CNTNAP5: variants seen among roughly 807,000 people sequenced by gnomAD.
The protein encoded by CNTNAP5 is contactin associated protein family member 5.
Under a neutral mutation model 150.2 loss-of-function variants are expected in CNTNAP5, and 72 were observed. That is an observed-to-expected ratio of 0.48 (90% CI 0.40 to 0.58). The LOEUF is 0.58. Among genes scored for constraint, CNTNAP5 ranks in the 20% least tolerant of loss-of-function variants. The probability of loss-of-function intolerance (pLI) is 0.00; values close to 1 mark genes in which losing one functional copy is unlikely to be tolerated. For missense variants in CNTNAP5, 1,636 were observed against 1,626.2 expected, an observed-to-expected ratio of 1.01 and a Z score of -0.10; for synonymous variants, 672 against 619.8, an observed-to-expected ratio of 1.08 and a Z score of -1.25.
chr2:124,790,088 G>A lies in CNTNAP5; in HGVS notation c.2939G>A (p.Gly980Asp), dbSNP rs778555661. The A allele has an allele frequency of 6.2e-7, 1 of 1,613,878 alleles. No homozygotes were observed. Among genetic ancestry groups the A allele is most frequent in the South Asian group, 1.1e-5 (1 of 91,078 alleles). ...GGCAAGTGTGTGGAGAAGCACAATG[G>A]CTACCTGTGTGATTGCACCAATTCA... ...NGGKCVEKHN[G>D]YLCDCTNSPY... The change falls in exon 18 of 24, where the codon GGC becomes GAC. Residue 980 changes from glycine (G) to aspartate (D), a missense_variant. Coordinates refer to ENST00000682447, the MANE Select transcript of CNTNAP5 (RefSeq NM_001367498.1).
intron 1 of CNTNAP5, among the ~76,000 whole-genome samples, chr2:124,102,148 G>A (rs1442118684): frequency 6.6e-6 from 1 of 152,108 alleles, no homozygotes; most frequent in African/African-American, 2.4e-5. Flanking sequence ...AAATATTAAA[G>A]AAGTAAAATA....
chr2:124,654,030 G>A (rs1474808620), intron 13 of CNTNAP5, among the ~76,000 whole-genome samples: 3 of 151,962 alleles, frequency 2.0e-5, no homozygotes, highest in Non-Finnish European at 4.4e-5. Context: ...ACATGAGGTG[G>A]TGGGAAAGTC....
chr2:124,392,687 C>CAAAA (rs35107442), intron 3 of CNTNAP5, among the ~76,000 whole-genome samples: 107 of 68,780 alleles, frequency 1.6e-3, no homozygotes, highest in African/African-American at 5.6e-3. Context: ...TTTTCTTTGC[C>CAAAA]AAAAAAAAAA....
chr2:124,350,346 T>G (rs1478022459), intron 3 of CNTNAP5, among the ~76,000 whole-genome samples: 1 of 152,266 alleles, frequency 6.6e-6, no homozygotes, highest in East Asian at 1.9e-4. Flanking sequence ...TCCTTCCAGC[T>G]ATGACTGCTT....
chr2:124,909,502 T>C (rs1193017178), intron 22 of CNTNAP5, among the ~76,000 whole-genome samples: 1 of 152,112 alleles, frequency 6.6e-6, no homozygotes, highest in East Asian at 1.9e-4. Context: ...CATGACTGTA[T>C]TTATAAAGAA....
chr2:124,704,047 G>A (rs2105093155), intron 13 of CNTNAP5, among the ~76,000 whole-genome samples: 1 of 152,310 alleles, frequency 6.6e-6, no homozygotes, highest in Non-Finnish European at 1.5e-5. Flanking sequence ...TGCCTATTAG[G>A]CTTTTTATTT....
At chr2:124,174,005 T>C (rs1685001923) in intron 1 of CNTNAP5, among the ~76,000 whole-genome samples, 1 of 151,934 alleles carries the variant, frequency 6.6e-6, no homozygotes, top group Non-Finnish European at 1.5e-5. Context: ...TGATATAATC[T>C]ACTTGTGCCT....
At chr2:124,231,849 T>A (rs1440551671) in intron 2 of CNTNAP5, among the ~76,000 whole-genome samples, 1 of 152,156 alleles carries the variant, frequency 6.6e-6, no homozygotes, top group Non-Finnish European at 1.5e-5. Flanking sequence ...CTATTCAGGC[T>A]GGCTAATTGC....
intron 19 of CNTNAP5, among the ~76,000 whole-genome samples, chr2:124,810,893 A>G (rs974655433): frequency 2.0e-5 from 3 of 152,084 alleles, no homozygotes; most frequent in African/African-American, 7.2e-5. Flanking sequence ...ATGCGGCAAA[A>G]CATCTGTAAA....
chr2:124,625,221 C>G (rs1167412298), intron 12 of CNTNAP5, among the ~76,000 whole-genome samples: 1 of 152,170 alleles, frequency 6.6e-6, no homozygotes, highest in East Asian at 1.9e-4. Flanking sequence ...CTCCATTATA[C>G]CCACTTTACC....
intron 21 of CNTNAP5, among the ~76,000 whole-genome samples, chr2:124,878,858 T>C (rs1558811014): frequency 1.3e-5 from 2 of 151,892 alleles, no homozygotes; most frequent in African/African-American, 2.4e-5. Flanking sequence ...AATTTTTGTA[T>C]TTTTAGTAGA....
intron 17 of CNTNAP5, among the ~76,000 whole-genome samples, chr2:124,786,431 G>GAAAGA (rs1558775184): frequency 7.9e-5 from 9 of 113,472 alleles, no homozygotes; most frequent in African/African-American, 3.2e-4. Flanking sequence ...AGGAAGGAAG[G>GAAAGA]AAGGAAGGAA....
At chr2:124,824,926 A>G (rs912332456) in intron 19 of CNTNAP5, among the ~76,000 whole-genome samples, 3 of 152,200 alleles carry the variant, frequency 2.0e-5, no homozygotes, top group African/African-American at 7.2e-5. Context: ...TTCAGAAATG[A>G]AACAAAGATT....
intron 13 of CNTNAP5, among the ~76,000 whole-genome samples, chr2:124,737,424 G>A (rs544193986): frequency 2.6e-5 from 4 of 152,106 alleles, no homozygotes; most frequent in Admixed American, 6.6e-5. Context: ...ATGGGAGGAC[G>A]GGTTCAGGCA....
At chr2:124,102,062 C>G (rs1487313855) in intron 1 of CNTNAP5, among the ~76,000 whole-genome samples, 6 of 152,118 alleles carry the variant, frequency 3.9e-5, no homozygotes, top group Middle Eastern at 3.2e-3. Flanking sequence ...AGATGTGGCT[C>G]TATGACCTCC....
intron 19 of CNTNAP5, among the ~76,000 whole-genome samples, chr2:124,833,458 T>A (rs1190261856): frequency 2.0e-5 from 3 of 152,178 alleles, no homozygotes; most frequent in Non-Finnish European, 4.4e-5. Context: ...ATGGGTTTCT[T>A]CTGGGACACC....
intron 1 of CNTNAP5, among the ~76,000 whole-genome samples, chr2:124,150,110 A>G (rs192909211): frequency 6.6e-6 from 1 of 152,338 alleles, no homozygotes; most frequent in Non-Finnish European, 1.5e-5. Context: ...ATGAAATCCT[A>G]ATCAGAATTT....
At chr2:124,102,930 T>C (rs1319681990) in intron 1 of CNTNAP5, among the ~76,000 whole-genome samples, 1 of 152,230 alleles carries the variant, frequency 6.6e-6, no homozygotes, top group Admixed American at 6.5e-5. Flanking sequence ...AATTTTCAAG[T>C]GTCTTTCATC....
chr2:124,328,301 C>T (rs1291466319), intron 3 of CNTNAP5, among the ~76,000 whole-genome samples: 2 of 152,096 alleles, frequency 1.3e-5, no homozygotes, highest in South Asian at 2.1e-4. Flanking sequence ...TTCTTCAAAC[C>T]AGTAGTTTTG....
Sources: gnomAD v4.1 joint callset for allele counts (sites outside exome capture counted in the v4.1 genomes callset) on GRCh38, gnomAD v4.1.1 for gene constraint, MANE v1.5 for transcripts, NCBI Gene and HGNC (gene_info 2026-07-23, HGNC 2026-07-21) for gene names.